CNIH3: variants seen among roughly 807,000 people sequenced by gnomAD.
CNIH3 encodes the protein protein cornichon homolog 3.
CNIH3 carries 14 observed loss-of-function variants against 24.1 expected under a neutral mutation model. That is an observed-to-expected ratio of 0.58 (90% CI 0.38 to 0.91). CNIH3 has a LOEUF of 0.91. Among genes scored for constraint, CNIH3 ranks in the 40% least tolerant of loss-of-function variants. CNIH3 has a pLI of 0.00. For missense variants in CNIH3, 178 were observed against 196.8 expected (o/e 0.90, Z 0.57); for synonymous variants, 68 against 73.8 (o/e 0.92, Z 0.40).
At chr1:224,608,018 C>G (rs1166762255) in intron 3 of CNIH3, among the ~76,000 whole-genome samples, 2 of 152,108 alleles carry the variant, frequency 1.3e-5, no homozygotes, top group South Asian at 4.1e-4. Flanking sequence ...CCAAGTCAGG[C>G]GGCACCAAAG....
At chr1:224,653,941 A>G (rs1376543724) in intron 1 of CNIH3, among the ~76,000 whole-genome samples, 1 of 152,034 alleles carries the variant, frequency 6.6e-6, no homozygotes, top group Admixed American at 6.6e-5. Flanking sequence ...ATTAGCTGGG[A>G]CTGCAGGCAT....
chr1:224,616,930 A>G lies in CNIH3; in HGVS notation c.-245A>G. ...CTTCGATTTGCGGACGGTTCCCTCC[A>G]GCGACTCTCGACACACGTTTTCCTG... On this transcript the variant is annotated 5_prime_UTR_variant, in exon 1 of 6. Transcript: ENST00000272133. 2.2e-6 allele frequency: 3 copies of G among 1,345,364 alleles called. No individual in the cohort carries two copies. The highest frequency in any genetic ancestry group is 1.9e-6 in the Non-Finnish European group (2 of 1,053,556). The allele number at this position is 1,345,364 out of a possible 1,614,324, so 83.3% of individuals were successfully genotyped here. A position where few individuals can be genotyped will look rare whatever the true frequency, so the allele number is the denominator to read the frequency against.
intron 4 of CNIH3, among the ~76,000 whole-genome samples, chr1:224,733,900 C>T (rs1461541898): frequency 1.3e-5 from 2 of 152,228 alleles, no homozygotes; most frequent in Non-Finnish European, 2.9e-5. Flanking sequence ...CTGACGGCTC[C>T]CCTCCTCAGG....
chr1:224,521,810 T>C (rs1678644526), intron 2 of CNIH3, among the ~76,000 whole-genome samples: 1 of 152,166 alleles, frequency 6.6e-6, no homozygotes, highest in Non-Finnish European at 1.5e-5. Flanking sequence ...GATGATTCAG[T>C]TACATGACAT....
intron 1 of CNIH3, among the ~76,000 whole-genome samples, chr1:224,679,317 C>G (rs1350128688): frequency 6.6e-6 from 1 of 152,014 alleles, no homozygotes; most frequent in African/African-American, 2.4e-5. Context: ...TCCAGCCTGG[C>G]TGACAGAGTG....
At chr1:224,728,960 A>C (rs907290505) in intron 3 of CNIH3, among the ~76,000 whole-genome samples, 2 of 152,218 alleles carry the variant, frequency 1.3e-5, no homozygotes, top group African/African-American at 4.8e-5. Context: ...GGACAGAGGA[A>C]TCTATCTGTA....
chr1:224,662,655 G>T (rs923433777), intron 1 of CNIH3, among the ~76,000 whole-genome samples: 3 of 152,130 alleles, frequency 2.0e-5, no homozygotes, highest in African/African-American at 7.2e-5. Flanking sequence ...CTTGAAAAAG[G>T]CTTGGACTTA....
At chr1:224,636,750 G>A (rs1235742904) in intron 1 of CNIH3, among the ~76,000 whole-genome samples, 1 of 152,154 alleles carries the variant, frequency 6.6e-6, no homozygotes, top group African/African-American at 2.4e-5. Context: ...TGGATGGGCT[G>A]AAGGAGAAAG....
At chr1:224,509,737 G>T (rs1413035776) in intron 1 of CNIH3, among the ~76,000 whole-genome samples, 2 of 152,202 alleles carry the variant, frequency 1.3e-5, no homozygotes, top group Non-Finnish European at 2.9e-5. Flanking sequence ...GGCTGGTGAC[G>T]ATGAGACCCA....
chr1:224,551,442 C>A (rs565172252), intron 3 of CNIH3, among the ~76,000 whole-genome samples: 4 of 151,944 alleles, frequency 2.6e-5, no homozygotes, highest in African/African-American at 4.8e-5. Context: ...TGAAGCAGAG[C>A]GATGATATTT....
At chr1:224,592,007 G>T (rs886119639), downstream of CNIH3, among the ~76,000 whole-genome samples, 1 of 152,170 alleles carries the variant, frequency 6.6e-6, no homozygotes, top group East Asian at 1.9e-4. Flanking sequence ...AAGAGTGGCT[G>T]TTGTTGTGGT....
chr1:224,725,699 C>A (rs1056252707), intron 3 of CNIH3, among the ~76,000 whole-genome samples: 2 of 152,198 alleles, frequency 1.3e-5, no homozygotes, highest in Non-Finnish European at 2.9e-5. Flanking sequence ...CAGGAGCAGA[C>A]GGATCTCCAA....
chr1:224,506,536 G>A (rs779727855), intron 1 of CNIH3, among the ~76,000 whole-genome samples: 8 of 152,200 alleles, frequency 5.3e-5, no homozygotes, highest in Non-Finnish European at 1.0e-4. Context: ...TCTGTAGGGC[G>A]TGTGCAAGGA....
At chr1:224,584,209 T>C (rs977440346) in intron 5 of CNIH3, among the ~76,000 whole-genome samples, 1 of 152,222 alleles carries the variant, frequency 6.6e-6, no homozygotes, top group African/African-American at 2.4e-5. Flanking sequence ...TTCTGCTCTT[T>C]AAAAGAAAGT....
At chr1:224,520,419 C>T (rs1483419280) in intron 1 of CNIH3, among the ~76,000 whole-genome samples, 1 of 152,236 alleles carries the variant, frequency 6.6e-6, no homozygotes, top group African/African-American at 2.4e-5. Flanking sequence ...CAAGCAGGCT[C>T]ATCCTCAACA....
At chr1:224,598,863 C>CA (rs1336076965) in intron 3 of CNIH3, among the ~76,000 whole-genome samples, 9 of 152,078 alleles carry the variant, frequency 5.9e-5, no homozygotes, top group African/African-American at 2.2e-4. Flanking sequence ...CCTGGGAAAC[C>CA]AAAAAATTCA....
At position 224,604,747 on chromosome 1, in the gene CNIH3, C is replaced by A. The variant is rs914324464; in HGVS notation, n.402+38483C>A. The stretch of plus-strand genomic sequence containing the variant: ...CCTTGCCGGTGACACCTGGCCCAGG[C>A]GTCACTTGGCCATGCTGACATGCCC... On this transcript the variant is annotated intron_variant and non_coding_transcript_variant, in intron 3 of 7. Coordinates refer to the CNIH3 transcript ENST00000478120. This position sits in a 1 kb window ranked among gnomAD's most constrained non-coding sequence, Gnocchi z 4.4. Among the ~76,000 whole-genome samples the A allele has an allele frequency of 6.6e-6, 1 of 152,280 alleles. No homozygotes were observed. Among genetic ancestry groups the A allele is most frequent in the Non-Finnish European group, 1.5e-5 (1 of 68,022 alleles).
At chr1:224,460,484 G>A (rs998694622) in intron 1 of CNIH3, among the ~76,000 whole-genome samples, 6 of 152,118 alleles carry the variant, frequency 3.9e-5, no homozygotes, top group Non-Finnish European at 8.8e-5. Context: ...CATAGAGTAC[G>A]TGCTCTTCTT....
intron 1 of CNIH3, among the ~76,000 whole-genome samples, chr1:224,446,152 T>C (rs1156923237): frequency 6.6e-6 from 1 of 152,184 alleles, no homozygotes; most frequent in African/African-American, 2.4e-5. Context: ...CATACTGACT[T>C]ACTTGCTGCT....
Sources: gnomAD v4.1 joint callset for allele counts (sites outside exome capture counted in the v4.1 genomes callset) on GRCh38, gnomAD v4.1.1 for gene constraint, Gnocchi (gnomAD v3.1) non-coding constraint, MANE v1.5 for transcripts, NCBI Gene and HGNC (gene_info 2026-07-23, HGNC 2026-07-21) for gene names.